Variants in KLHDC1 observed in about 807,000 individuals in gnomAD.
KLHDC1 encodes kelch domain-containing protein 1.
In KLHDC1, 53 loss-of-function variants were observed where a neutral mutation model predicts 68.3. The ratio of observed to expected loss-of-function variants is 0.78; its 90% confidence interval spans 0.62 to 0.98. The LOEUF (loss-of-function observed/expected upper bound fraction) is 0.98, where lower values mean the gene tolerates loss of function less well. Ranked by LOEUF, KLHDC1 falls within the 50% of genes least tolerant of loss-of-function variation. KLHDC1 has a pLI of 0.00. For synonymous variants in KLHDC1, 148 were observed against 159.0 expected, an observed-to-expected ratio of 0.93 and a Z score of 0.52; for missense variants, 470 against 492.3, an observed-to-expected ratio of 0.95 and a Z score of 0.43.
intron 4 of KLHDC1, among the ~76,000 whole-genome samples, chr14:49,711,938 G>A (rs1226643393): frequency 1.5e-4 from 1 of 6,730 alleles, no homozygotes; most frequent in African/African-American, 4.5e-4. Context: ...TTTTTTTTTT[G>A]AGGCAGAATC....
chr14:49,750,045 G>C (rs1742285737), intron 12 of KLHDC1, among the ~76,000 whole-genome samples: 1 of 152,078 alleles, frequency 6.6e-6, no homozygotes, highest in Non-Finnish European at 1.5e-5. Context: ...GGTTAACAGA[G>C]AAAGACTCCA....
At chr14:49,741,779 G>A (rs920798599) in intron 11 of KLHDC1, among the ~76,000 whole-genome samples, 1 of 152,132 alleles carries the variant, frequency 6.6e-6, no homozygotes, top group African/African-American at 2.4e-5. Context: ...TCAGAGCAGG[G>A]CGGCCATATT....
intron 11 of KLHDC1, among the ~76,000 whole-genome samples, chr14:49,743,092 AAAAG>A (rs1341427833): frequency 6.6e-6 from 1 of 150,870 alleles, no homozygotes; most frequent in African/African-American, 2.4e-5. Context: ...AAAAAAAAAA[AAAAG>A]GTTTGAAAAC....
intron 1 of KLHDC1, among the ~76,000 whole-genome samples, chr14:49,693,764 T>TTTTTTTTA (rs60307084): frequency 1.4e-5 from 1 of 72,562 alleles, no homozygotes; most frequent in Non-Finnish European, 3.1e-5. Context: ...TTTTTTTTTT[T>TTTTTTTTA]GAGATGGAGT....
In KLHDC1 at chr14:49,709,190, A is replaced by G; in HGVS notation, c.128A>G (p.Asn43Ser). ...GAAGACAATGAAGTATATTTGCCTA[A>G]TGATGAAATTTGGACCTATGATATT... ...SIEDNEVYLPNDEIWTYDIDS... is the reference protein window; with the variant it reads ...SIEDNEVYLPSDEIWTYDIDS... The change falls in exon 2 of 13, where the codon AAT becomes AGT. Residue 43 changes from asparagine (N) to serine (S), a missense_variant. Transcript: ENST00000359332. 7.2e-7 allele frequency: 1 copy of G among 1,384,444 alleles called. No homozygotes were observed. Among genetic ancestry groups the G allele is most frequent in the Middle Eastern group, 1.8e-4 (1 of 5,620 alleles). The allele number at this position is 1,384,444 out of a possible 1,614,324, so 85.8% of individuals were successfully genotyped here. A position where few individuals can be genotyped will look rare whatever the true frequency, so the allele number is the denominator to read the frequency against.
chr14:49,710,368 G>A lies in KLHDC1; in HGVS notation c.391G>A (p.Val131Ile), dbSNP rs1888167266. 3 of 1,582,602 alleles carry A rather than the reference G, an allele frequency of 1.9e-6. No homozygotes were observed. Among genetic ancestry groups the A allele is most frequent in the Non-Finnish European group, 2.6e-6 (3 of 1,152,128 alleles). ...ACCACGTGATAAACTTTCCTGCTGGGTATATAAAGACAGGTAATGCAGCAG... is the reference window on the plus strand; with the variant it reads ...ACCACGTGATAAACTTTCCTGCTGGATATATAAAGACAGGTAATGCAGCAG... ...PTPRDKLSCWVYKDRLIYFGG... is the reference protein window; with the variant it reads ...PTPRDKLSCWIYKDRLIYFGG... The change falls in exon 4 of 13, where the codon GTA becomes ATA. Residue 131 changes from valine to isoleucine, a missense_variant. By Grantham distance (29) the Val-to-Ile change is conservative. Coordinates refer to ENST00000359332, the MANE Select transcript of KLHDC1 (RefSeq NM_172193.3).
chr14:49,737,849 A>AAT (rs1888965729), intron 10 of KLHDC1, among the ~76,000 whole-genome samples: 1 of 142,254 alleles, frequency 7.0e-6, no homozygotes, highest in Non-Finnish European at 1.5e-5. Context: ...TGGGTGACAG[A>AAT]GCCAGATCCT....
intron 12 of KLHDC1, among the ~76,000 whole-genome samples, chr14:49,747,090 G>C (rs995262791): frequency 2.0e-5 from 3 of 151,902 alleles, no homozygotes; most frequent in African/African-American, 7.3e-5. Flanking sequence ...GGGACCACAG[G>C]TGCCCGCCAC....
chr14:49,706,508 T>A (rs2139735103), intron 1 of KLHDC1, among the ~76,000 whole-genome samples: 1 of 152,210 alleles, frequency 6.6e-6, no homozygotes, highest in East Asian at 1.9e-4. Context: ...GCAGTGGGGG[T>A]GCTGGATCAT....
At chr14:49,706,060 G>A (rs1000728278) in intron 1 of KLHDC1, among the ~76,000 whole-genome samples, 3 of 151,924 alleles carry the variant, frequency 2.0e-5, no homozygotes, top group Non-Finnish European at 4.4e-5. Flanking sequence ...CCTATTGTGC[G>A]ATCAAATACT....
intron 12 of KLHDC1, among the ~76,000 whole-genome samples, chr14:49,746,330 T>G (rs1479775531): frequency 6.6e-6 from 1 of 152,026 alleles, no homozygotes; most frequent in Non-Finnish European, 1.5e-5. Context: ...TAAGTGTGGA[T>G]TAGCTCTGGC....
chr14:49,738,991 T>TAAAC (rs1888998311), intron 10 of KLHDC1, among the ~76,000 whole-genome samples: 1 of 152,226 alleles, frequency 6.6e-6, no homozygotes, highest in Non-Finnish European at 1.5e-5. Flanking sequence ...TAATCTTAGT[T>TAAAC]AGCTAGTCAA....
intron 8 of KLHDC1, among the ~76,000 whole-genome samples, chr14:49,731,784 A>G (rs546159329): frequency 2.6e-5 from 4 of 152,178 alleles, no homozygotes; most frequent in Non-Finnish European, 2.9e-5. Flanking sequence ...GGCTTGAGCA[A>G]TCCTCCTGCC....
chr14:49,693,291 G>GT lies in KLHDC1; in HGVS notation c.96+2dup. The GT allele has an allele frequency of 6.5e-7, 1 of 1,539,440 alleles. No individual in the cohort carries two copies. Among genetic ancestry groups the GT allele is most frequent in the Non-Finnish European group, 8.7e-7 (1 of 1,144,058 alleles). On this transcript the variant is annotated splice_donor_variant, in intron 1 of 12. Coordinates refer to ENST00000359332, the MANE Select transcript of KLHDC1 (RefSeq NM_172193.3). LOFTEE classifies it high-confidence loss of function. ...CCTCTACGTGTGGGGGGGCTACGTG[G>GT]TAAGGGGAAGAGGCGGGACGGGGTA...
intron 1 of KLHDC1, among the ~76,000 whole-genome samples, chr14:49,705,676 T>C (rs942125683): frequency 5.3e-5 from 8 of 152,028 alleles, no homozygotes; most frequent in African/African-American, 1.9e-4. Context: ...GCCTATAATA[T>C]TTCTTTTGTA....
At chr14:49,740,308 G>T in intron 11 of KLHDC1, 126 bp downstream of exon 11, 1 of 591,374 alleles carries the variant, frequency 1.7e-6, no homozygotes, top group Non-Finnish European at 3.0e-6. Context: ...GTTACTCTGT[G>T]GTTTAATTAA....
At chr14:49,730,519 T>C (rs769574314) in intron 8 of KLHDC1, among the ~76,000 whole-genome samples, 3 of 151,960 alleles carry the variant, frequency 2.0e-5, no homozygotes, top group Non-Finnish European at 2.9e-5. Flanking sequence ...CGTGCCCAGC[T>C]GACATTTGCA....
chr14:49,697,596 A>G (rs906393556), intron 1 of KLHDC1, among the ~76,000 whole-genome samples: 3 of 152,264 alleles, frequency 2.0e-5, no homozygotes, highest in East Asian at 1.9e-4. Context: ...AAAAAATGCA[A>G]TATCTGTCAA....
At chr14:49,706,475 C>T (rs886489568) in intron 1 of KLHDC1, among the ~76,000 whole-genome samples, 1 of 152,126 alleles carries the variant, frequency 6.6e-6, no homozygotes, top group Non-Finnish European at 1.5e-5. Context: ...ACACTGATTT[C>T]CTTTCTTTCG....
Sources: gnomAD v4.1 joint callset for allele counts (sites outside exome capture counted in the v4.1 genomes callset) on GRCh38, gnomAD v4.1.1 for gene constraint, MANE v1.5 for transcripts, NCBI Gene and HGNC (gene_info 2026-07-23, HGNC 2026-07-21) for gene names.